Variants in TBC1D22A observed in about 807,000 individuals in gnomAD.
TBC1D22A encodes TBC1 domain family member 22A.
Under a neutral mutation model 60.2 loss-of-function variants are expected in TBC1D22A, and 38 were observed. The observed-to-expected ratio is 0.63, with a 90% CI of 0.49 to 0.83. The LOEUF (loss-of-function observed/expected upper bound fraction) is 0.83. Among genes scored for constraint, TBC1D22A ranks in the 40% least tolerant of loss-of-function variants. The pLI, the probability that TBC1D22A is intolerant of heterozygous loss-of-function variation, is 0.00. For synonymous variants in TBC1D22A, 302 were observed against 281.7 expected, an observed-to-expected ratio of 1.07 and a Z score of -0.72; for missense variants, 628 against 701.0, an observed-to-expected ratio of 0.90 and a Z score of 1.18.
intron 11 of TBC1D22A, among the ~76,000 whole-genome samples, chr22:47,060,938 G>C (rs7286116): frequency 6.6e-6 from 1 of 152,190 alleles, no homozygotes; most frequent in Non-Finnish European, 1.5e-5. Flanking sequence ...CAGGGGCCTT[G>C]TCTTTGCCTA....
chr22:47,080,723 C>A (rs967971568), intron 11 of TBC1D22A, among the ~76,000 whole-genome samples: 1 of 151,380 alleles, frequency 6.6e-6, no homozygotes, highest in Non-Finnish European at 1.5e-5. Context: ...AAATTAAACC[C>A]AAAGGAAGTA....
chr22:47,060,484 G>A (rs2063535627), intron 11 of TBC1D22A, among the ~76,000 whole-genome samples: 1 of 152,172 alleles, frequency 6.6e-6, no homozygotes, highest in African/African-American at 2.4e-5. Flanking sequence ...AGGCTAGAGT[G>A]CAGTGGCACA....
intron 4 of TBC1D22A, among the ~76,000 whole-genome samples, chr22:46,874,178 C>T (rs1487969921): frequency 6.6e-6 from 1 of 152,146 alleles, no homozygotes; most frequent in African/African-American, 2.4e-5. Context: ...TTTATGGAGT[C>T]TCTCATTGAT....
At chr22:47,149,139 G>C (rs1289896384) in intron 12 of TBC1D22A, among the ~76,000 whole-genome samples, 2 of 152,180 alleles carry the variant, frequency 1.3e-5, no homozygotes, top group Non-Finnish European at 2.9e-5. Context: ...GTCCCCTGGG[G>C]CTGGGGTCAC....
At position 46,878,723 on chromosome 22, in the gene TBC1D22A, A is replaced by G. The variant is rs532836345; in HGVS notation, c.708A>G (p.Ser236=). The change falls in exon 5 of 13, where the codon TCA becomes TCG. Residue 236 remains serine, a splice_region_variant and synonymous_variant. Transcript: ENST00000337137. ...GTCCAATGACGTGGAAGCTCCTCTC[A>G]GTAAGTCCCACCGCACCGCCCATCA... ...PVRPMTWKLL[S]GYLPANVDRR... 20 of 1,612,986 alleles carry G rather than the reference A, an allele frequency of 1.2e-5. No homozygotes were observed. Among genetic ancestry groups the G allele is most frequent in the Middle Eastern group, 1.7e-4 (1 of 6,052 alleles).
intron 5 of TBC1D22A, among the ~76,000 whole-genome samples, chr22:46,888,013 C>T (rs2147571848): frequency 6.6e-6 from 1 of 152,298 alleles, no homozygotes; most frequent in Non-Finnish European, 1.5e-5. Flanking sequence ...CTCTCTGAGT[C>T]CCGCTCTCTT....
At chr22:46,941,138 C>G (rs1283230789) in intron 8 of TBC1D22A, among the ~76,000 whole-genome samples, 4 of 118,692 alleles carry the variant, frequency 3.4e-5, no homozygotes, top group East Asian at 2.4e-4. Context: ...CACACACACA[C>G]ACACACACAG....
At chr22:46,922,316 T>G (rs942718436) in intron 8 of TBC1D22A, among the ~76,000 whole-genome samples, 1 of 152,228 alleles carries the variant, frequency 6.6e-6, no homozygotes, top group Non-Finnish European at 1.5e-5. Context: ...GAAGTATAGT[T>G]TCAAGTGTAC....
intron 12 of TBC1D22A, among the ~76,000 whole-genome samples, chr22:47,158,689 G>T (rs1471879264): frequency 2.0e-5 from 3 of 152,102 alleles, no homozygotes; most frequent in Admixed American, 6.5e-5. Context: ...ACACAGCTCT[G>T]GTTTCTTCGG....
chr22:46,967,155 C>G (rs1344334868), intron 8 of TBC1D22A, among the ~76,000 whole-genome samples: 1 of 152,158 alleles, frequency 6.6e-6, no homozygotes, highest in Non-Finnish European at 1.5e-5. Context: ...GTCTGTGTAA[C>G]CTTGATTGAG....
intron 7 of TBC1D22A, among the ~76,000 whole-genome samples, chr22:46,898,970 T>C (rs1462896445): frequency 6.6e-6 from 1 of 152,166 alleles, no homozygotes; most frequent in Non-Finnish European, 1.5e-5. Flanking sequence ...CTGGGGGTGC[T>C]GATCCTCTCC....
intron 1 of TBC1D22A, among the ~76,000 whole-genome samples, chr22:46,784,956 G>A (rs1020610981): frequency 6.6e-6 from 1 of 152,096 alleles, no homozygotes; most frequent in Non-Finnish European, 1.5e-5. Flanking sequence ...CCTTGAACCC[G>A]AGCCTTTGAT....
At chr22:47,075,903 G>A (rs1323440106) in intron 11 of TBC1D22A, among the ~76,000 whole-genome samples, 1 of 152,104 alleles carries the variant, frequency 6.6e-6, no homozygotes, top group East Asian at 1.9e-4. Flanking sequence ...TAGCTACACT[G>A]ATATCAGACA....
chr22:46,766,687 C>G (rs898374475), intron 1 of TBC1D22A, among the ~76,000 whole-genome samples: 6 of 152,142 alleles, frequency 3.9e-5, no homozygotes, highest in African/African-American at 1.2e-4. Flanking sequence ...AGGCGCCCAC[C>G]ACCATGCCCA....
At chr22:46,763,468 CAGCTCCAG>C (rs916807241) in intron 1 of TBC1D22A, 1 of 123,732 alleles carries the variant, frequency 8.1e-6, no homozygotes, top group African/African-American at 3.0e-5. Context: ...AGATGCTATA[CAGCTCCAG>C]AGCTCCAGAG....
chr22:47,016,193 AC>A (rs1338473078), intron 10 of TBC1D22A, among the ~76,000 whole-genome samples: 1 of 151,770 alleles, frequency 6.6e-6, no homozygotes, highest in Non-Finnish European at 1.5e-5. Context: ...TCCTGAGTGC[AC>A]CCCCTTTGTT....
At chr22:47,092,958 A>G (rs1237516049) in intron 11 of TBC1D22A, among the ~76,000 whole-genome samples, 1 of 152,224 alleles carries the variant, frequency 6.6e-6, no homozygotes, top group African/African-American at 2.4e-5. Context: ...AGCATTTTCT[A>G]GAAATGCTGA....
chr22:46,856,904 A>T (rs2087599175), intron 4 of TBC1D22A, among the ~76,000 whole-genome samples: 1 of 152,254 alleles, frequency 6.6e-6, no homozygotes. Context: ...AAATGAAATT[A>T]CTGGCTCAGA....
chr22:47,151,802 C>T (rs1044689985), intron 12 of TBC1D22A, among the ~76,000 whole-genome samples: 6 of 152,160 alleles, frequency 3.9e-5, no homozygotes, highest in African/African-American at 7.2e-5. Context: ...GCCACCATGC[C>T]GGCCTGTCGG....
Sources: gnomAD v4.1 joint callset for allele counts (sites outside exome capture counted in the v4.1 genomes callset) on GRCh38, gnomAD v4.1.1 for gene constraint, MANE v1.5 for transcripts, NCBI Gene and HGNC (gene_info 2026-07-23, HGNC 2026-07-21) for gene names.